The following TAF5 variants were observed in gnomAD, a reference collection of about 807,000 sequenced individuals.
The protein encoded by TAF5 is TATA-box binding protein associated factor 5.
In TAF5, 20 loss-of-function variants were observed where a neutral mutation model predicts 80.9. The ratio of observed to expected loss-of-function variants is 0.25; its 90% CI spans 0.17 to 0.36. TAF5 has a LOEUF of 0.36. TAF5 is among the 10% of genes least tolerant of loss of function. TAF5 has a pLI of 1.00. For synonymous variants in TAF5, 388 were observed against 406.4 expected (o/e 0.95, Z 0.55); for missense variants, 863 against 1,029.4 (o/e 0.84, Z 2.21).
chr10:103,369,574 A>G (rs1174321665), intron 1 of TAF5, among the ~76,000 whole-genome samples: 1 of 151,760 alleles, frequency 6.6e-6, no homozygotes, highest in African/African-American at 2.4e-5. Flanking sequence ...CATATTGGTC[A>G]GGCTGGTCTT....
At chr10:103,370,482 T>C (rs1354801105) in intron 1 of TAF5, among the ~76,000 whole-genome samples, 2 of 151,480 alleles carry the variant, frequency 1.3e-5, no homozygotes, top group Non-Finnish European at 2.9e-5. Context: ...CGTGCCACCA[T>C]GCCTGGCTAA....
chr10:103,387,963 A>G (rs759363622), intron 10 of TAF5, 43 bp from the exon 11 acceptor site: 1 of 1,557,362 alleles, frequency 6.4e-7, no homozygotes, highest in East Asian at 2.2e-5. Context: ...CCGAATGTAA[A>G]TATGATGGAT....
At position 103,378,402 on chromosome 10, in the gene TAF5, A is replaced by G; in HGVS notation, c.965A>G (p.Gln322Arg). ...DSYQLLKRHLQEKQNNQIWNI... is the reference protein window; with the variant it reads ...DSYQLLKRHLREKQNNQIWNI... ...TACCAACTCTTGAAGAGGCATCTTC[A>G]GGAGAAACAGAACAATCAGATATGG... Residue 322 changes from glutamine to arginine, a missense_variant, in exon 3 of 11, where the codon CAG (glutamine) becomes CGG (arginine). Physicochemically the swap from Gln to Arg is conservative, Grantham distance 43. This residue lies in a region of TAF5 where 128 missense variants were observed against 232.2 expected (regional missense o/e 0.55). Transcript: ENST00000369839. This position sits in a 1 kb window ranked among gnomAD's most constrained non-coding sequence, Gnocchi z 4.1. The G allele has an allele frequency of 6.2e-7, 1 of 1,614,178 alleles. No individual in the cohort carries two copies. Among genetic ancestry groups the G allele is most frequent in the South Asian group, 1.1e-5 (1 of 91,084 alleles).
intron 1 of TAF5, among the ~76,000 whole-genome samples, chr10:103,370,048 A>G (rs1275647909): frequency 6.6e-6 from 1 of 151,640 alleles, no homozygotes; most frequent in Non-Finnish European, 1.5e-5. Context: ...GCTGGCCGAC[A>G]TGGCGAAACC....
intron 5 of TAF5, among the ~76,000 whole-genome samples, chr10:103,381,314 T>C (rs952913649): frequency 6.6e-6 from 1 of 152,168 alleles, no homozygotes; most frequent in African/African-American, 2.4e-5. Context: ...TCGCCCAGGC[T>C]GGAGTGCAGT....
intron 6 of TAF5, 126 bp from the exon 7 acceptor site, chr10:103,383,112 C>A: frequency 2.7e-6 from 2 of 733,020 alleles, no homozygotes; most frequent in Non-Finnish European, 4.2e-6. Context: ...GAGGGATTAG[C>A]AAAGTGCGGT....
chr10:103,387,885 G>C lies in TAF5; in HGVS notation c.2186-121G>C, dbSNP rs1592097465. On this transcript the variant is annotated intron_variant, in intron 10 of 10. Transcript: ENST00000369839. The stretch of plus-strand genomic sequence containing the variant: ...ATAATGCTCCTTAGGAAGGAATAGA[G>C]TTATTGGTCAAGTTTAGATTTTTCA... 4.4e-6 allele frequency: 5 copies of C among 1,130,852 alleles called. 1 individual carries two copies. The highest frequency in any genetic ancestry group is 6.4e-6 in the Non-Finnish European group (5 of 780,844). 70.1% of individuals were successfully genotyped at this position (1,130,852 alleles called of 1,614,324 possible). A position where few individuals can be genotyped will look rare whatever the true frequency, so the allele number is the denominator to read the frequency against.
At chr10:103,373,195 CAAA>C (rs371928380) in intron 1 of TAF5, among the ~76,000 whole-genome samples, 160 bp from the exon 2 acceptor site, 6 of 99,502 alleles carry the variant, frequency 6.0e-5, no homozygotes, top group Admixed American at 2.2e-4. Flanking sequence ...GACTCCCTCT[CAAA>C]AAAAAAAAAA....
rs1189334508 is a variant in TAF5 at position 103,373,472 on chromosome 10, T to G, written c.674T>G (p.Ile225Ser). The change falls in exon 2 of 11, where the codon ATT (isoleucine) becomes AGT (serine). Residue 225 changes from isoleucine to serine, a missense_variant. Transcript: ENST00000369839. ...EEYYSGLKHF[I>S]ECSLDCHRAE... ...TACTATAGTGGACTGAAACACTTCA[T>G]TGAATGTTCCCTGGACTGCCATCGG... 6.2e-7 allele frequency: 1 copy of G among 1,614,216 alleles called. No individual in the cohort carries two copies.
intron 2 of TAF5, among the ~76,000 whole-genome samples, chr10:103,377,161 A>C (rs1473198572): frequency 6.6e-6 from 1 of 151,790 alleles, no homozygotes; most frequent in Non-Finnish European, 1.5e-5. Flanking sequence ...AGAAGGAAAA[A>C]CCTTTTTGCT....
intron 2 of TAF5, among the ~76,000 whole-genome samples, chr10:103,376,626 G>C (rs2093370662): frequency 6.7e-6 from 1 of 150,266 alleles, no homozygotes; most frequent in Non-Finnish European, 1.5e-5. Flanking sequence ...TTCTACCCTA[G>C]AAGCTAATTT....
intron 2 of TAF5, among the ~76,000 whole-genome samples, chr10:103,375,997 G>T (rs1168259768): frequency 1.3e-5 from 2 of 151,358 alleles, no homozygotes; most frequent in East Asian, 2.0e-4. Context: ...GGCAGAGGTT[G>T]CAGTGAGCTG....
At chr10:103,376,675 C>A (rs1196775154) in intron 2 of TAF5, among the ~76,000 whole-genome samples, 1 of 151,706 alleles carries the variant, frequency 6.6e-6, no homozygotes, top group African/African-American at 2.4e-5. Context: ...CCATCCTTGG[C>A]AACATAGATA....
intron 6 of TAF5, 128 bp downstream of exon 6, chr10:103,381,969 T>G: frequency 7.5e-7 from 1 of 1,333,110 alleles, no homozygotes; most frequent in Non-Finnish European, 1.0e-6. Flanking sequence ...CTCAAGATTC[T>G]AACATTCCCA....
chr10:103,382,270 T>C (rs2093384668), intron 6 of TAF5, among the ~76,000 whole-genome samples: 1 of 152,116 alleles, frequency 6.6e-6, no homozygotes, highest in African/African-American at 2.4e-5. Flanking sequence ...CAGGCTAGAG[T>C]GCAATGGCGC....
intron 7 of TAF5, among the ~76,000 whole-genome samples, chr10:103,383,577 CT>C (rs147178642): frequency 9.3e-5 from 12 of 129,144 alleles, no homozygotes; most frequent in African/African-American, 1.7e-4. Flanking sequence ...TGTATACTCA[CT>C]TTTTTTTTTT....
At chr10:103,373,259 C>T (rs564749430) in intron 1 of TAF5, 99 bp from the exon 2 acceptor site, 19 of 865,088 alleles carry the variant, frequency 2.2e-5, no homozygotes, top group Middle Eastern at 5.5e-4. Context: ...AAAGAGACAA[C>T]AGTCTGAGAA....
At chr10:103,384,748 T>C (rs2093391682) in intron 7 of TAF5, among the ~76,000 whole-genome samples, 1 of 152,260 alleles carries the variant, frequency 6.6e-6, no homozygotes, top group South Asian at 2.1e-4. Context: ...GATGATACAT[T>C]TTTGAGGGAA....
chr10:103,373,298 A>T (rs2093363840), intron 1 of TAF5, 60 bp from the exon 2 acceptor site: 9 of 1,386,952 alleles, frequency 6.5e-6, no homozygotes, highest in Middle Eastern at 1.8e-4. Flanking sequence ...TTAACAATAC[A>T]GCCATAGTCA....
Sources: gnomAD v4.1 joint callset for allele counts (sites outside exome capture counted in the v4.1 genomes callset) on GRCh38, gnomAD v4.1.1 for gene constraint, gnomAD v4.1.1 regional missense constraint, Gnocchi (gnomAD v3.1) non-coding constraint, MANE v1.5 for transcripts, NCBI Gene and HGNC (gene_info 2026-07-23, HGNC 2026-07-21) for gene names.